The following SLC1A6 variants were observed in gnomAD, a reference collection of about 807,000 sequenced individuals.
The protein encoded by SLC1A6 is excitatory amino acid transporter 4.
SLC1A6 carries 15 observed loss-of-function variants against 42.1 expected under a neutral mutation model. The ratio of observed to expected loss-of-function variants is 0.36; its 90% confidence interval spans 0.24 to 0.55. SLC1A6 has a LOEUF of 0.55. SLC1A6 is among the 20% of genes least tolerant of loss of function. The probability of loss-of-function intolerance (pLI) is 0.88; values close to 1 mark genes in which losing one functional copy is unlikely to be tolerated. For missense variants in SLC1A6, 542 were observed against 772.5 expected (o/e 0.70, Z 3.54); for synonymous variants, 317 against 319.7 (o/e 0.99, Z 0.09).
In SLC1A6 at chr19:14,962,049, G is replaced by A. The variant is rs1251374481; in HGVS notation, c.888C>T (p.Phe296=). 4 of 1,614,018 alleles carry A rather than the reference G, an allele frequency of 2.5e-6. No individual in the cohort carries two copies. The highest frequency in any genetic ancestry group is 1.7e-5 in the Admixed American group (1 of 60,002). ...TCATAATAGCCTCATTGAGGCTGTC[G>A]AAGAAGTCCCTGAGGACTCTGCCCT... is the stretch of plus-strand genomic sequence containing the variant. ...KHKGRVLRDF[F]DSLNEAIMRL... Residue 296 remains phenylalanine, a synonymous_variant, in exon 6 of 10, where the codon TTC becomes TTT. Transcript: ENST00000594383.
intron 1 of SLC1A6, among the ~76,000 whole-genome samples, chr19:14,998,003 T>TTGTGTG (rs58791691): frequency 1.4e-5 from 2 of 140,414 alleles, no homozygotes; most frequent in African/African-American, 5.4e-5. Context: ...AATATGATGT[T>TTGTGTG]TGTGTGTGTG....
chr19:14,957,685 C>T (rs1278675952), intron 6 of SLC1A6, among the ~76,000 whole-genome samples: 1 of 152,170 alleles, frequency 6.6e-6, no homozygotes, highest in African/African-American at 2.4e-5. Flanking sequence ...AAGACACATT[C>T]TAATGGGGAA....
intron 1 of SLC1A6, among the ~76,000 whole-genome samples, chr19:14,997,946 C>CTT (rs1009864383): frequency 3.4e-4 from 51 of 150,146 alleles, no homozygotes; most frequent in African/African-American, 1.2e-3. Flanking sequence ...ATCTTCATGT[C>CTT]TTTTTTTTTA....
chr19:14,954,677 T>C (rs2045445361), intron 7 of SLC1A6, among the ~76,000 whole-genome samples: 1 of 151,918 alleles, frequency 6.6e-6, no homozygotes, highest in Non-Finnish European at 1.5e-5. Context: ...CTTGAGAACA[T>C]TGAGCAGGCC....
chr19:14,973,034 G>A (rs1007598935), intron 1 of SLC1A6, 117 bp from the exon 2 acceptor site: 1 of 772,914 alleles, frequency 1.3e-6, no homozygotes, highest in Non-Finnish European at 2.0e-6. Flanking sequence ...AGAAGGCGGG[G>A]GTGGCTGGGT....
At chr19:14,971,475 C>T (rs1453351566) in intron 3 of SLC1A6, among the ~76,000 whole-genome samples, 1 of 152,132 alleles carries the variant, frequency 6.6e-6, no homozygotes, top group Non-Finnish European at 1.5e-5. Context: ...ATACTAAGCC[C>T]CTTGCAGGCT....
intron 9 of SLC1A6, among the ~76,000 whole-genome samples, chr19:14,950,850 T>C (rs2045403917): frequency 6.6e-6 from 1 of 151,312 alleles, no homozygotes; most frequent in Non-Finnish European, 1.5e-5. Context: ...GAGGCTGAGA[T>C]GGCAGGGTCA....
chr19:14,970,128 T>TGCA (rs945138066), intron 3 of SLC1A6, among the ~76,000 whole-genome samples: 1 of 152,142 alleles, frequency 6.6e-6, no homozygotes, highest in African/African-American at 2.4e-5. Context: ...CAGGCTAGAG[T>TGCA]GCAGTGGTGC....
upstream of SLC1A6, among the ~76,000 whole-genome samples, chr19:14,980,612 G>T (rs2045761064): frequency 6.8e-6 from 1 of 146,640 alleles, no homozygotes. Context: ...AGCCGAGATC[G>T]CACCACTGCT....
At chr19:15,005,318 C>T (rs2045891023) in intron 1 of SLC1A6, among the ~76,000 whole-genome samples, 1 of 150,162 alleles carries the variant, frequency 6.7e-6, no homozygotes, top group African/African-American at 2.5e-5. Flanking sequence ...AATAGCCTGG[C>T]CAACAATGGT....
intron 7 of SLC1A6, among the ~76,000 whole-genome samples, chr19:14,955,299 A>G (rs546347584): frequency 6.6e-6 from 1 of 152,296 alleles, no homozygotes; most frequent in Admixed American, 6.5e-5. Context: ...TATATTTTTG[A>G]TCAGGTGCAG....
At chr19:14,973,142 G>A in intron 1 of SLC1A6, 1 of 539,478 alleles carries the variant, frequency 1.9e-6, no homozygotes. Context: ...AGCTAGGGGT[G>A]GTAGTCCTAA....
chr19:14,960,269 A>G (rs1218067210), intron 6 of SLC1A6, among the ~76,000 whole-genome samples: 1 of 152,238 alleles, frequency 6.6e-6, no homozygotes, highest in African/African-American at 2.4e-5. Context: ...AAGAATAACA[A>G]ATGCATAGAT....
At chr19:14,974,435 A>G (rs1295517582) in intron 1 of SLC1A6, 1 of 152,168 alleles carries the variant, frequency 6.6e-6, no homozygotes, top group Non-Finnish European at 1.5e-5. Context: ...CCTACTTGAA[A>G]TGTGAATTAT....
At chr19:15,006,954 A>G (rs2045898706) in intron 1 of SLC1A6, among the ~76,000 whole-genome samples, 1 of 151,982 alleles carries the variant, frequency 6.6e-6, no homozygotes, top group South Asian at 2.1e-4. Context: ...TCCTGTCTGA[A>G]AAAATAAAAT....
At chr19:14,958,406 A>T (rs1392832890) in intron 6 of SLC1A6, among the ~76,000 whole-genome samples, 1 of 144,546 alleles carries the variant, frequency 6.9e-6, no homozygotes, top group Non-Finnish European at 1.5e-5. Context: ...GCCAGACTGC[A>T]TCTCAAAAAA....
intron 1 of SLC1A6, among the ~76,000 whole-genome samples, chr19:14,990,492 G>A (rs1488584088): frequency 1.3e-5 from 2 of 152,170 alleles, no homozygotes; most frequent in African/African-American, 2.4e-5. Context: ...AATTTTGGCT[G>A]GGTGCAGTGG....
chr19:14,962,713 G>A (rs745897790), intron 5 of SLC1A6, among the ~76,000 whole-genome samples: 28 of 152,132 alleles, frequency 1.8e-4, no homozygotes, highest in Non-Finnish European at 2.8e-4. Flanking sequence ...GACCATCCTG[G>A]CCAACATGGT....
At chr19:14,967,359 G>A (rs898819627) in intron 4 of SLC1A6, among the ~76,000 whole-genome samples, 5 of 152,142 alleles carry the variant, frequency 3.3e-5, no homozygotes, top group African/African-American at 1.2e-4. Context: ...TAAACTAAAA[G>A]TAACACCTAA....
Sources: allele counts gnomAD v4.1 joint callset (sites outside exome capture counted in the v4.1 genomes callset), GRCh38; gene constraint gnomAD v4.1.1; transcripts MANE v1.5; gene names NCBI Gene and HGNC (gene_info 2026-07-23, HGNC 2026-07-21).